The following CDKL2 variants were observed in gnomAD, a reference collection of about 807,000 sequenced individuals.
CDKL2 encodes cyclin dependent kinase like 2.
CDKL2 carries 64 observed loss-of-function variants against 63.9 expected under a neutral mutation model. The observed-to-expected ratio is 1.00, with a 90% confidence interval of 0.82 to 1.23. The LOEUF (loss-of-function observed/expected upper bound fraction) is 1.23. Ranked by LOEUF, CDKL2 falls within the 50% of genes most tolerant of loss-of-function variation. CDKL2 has a pLI of 0.00. For missense variants in CDKL2, 656 were observed against 668.0 expected (o/e 0.98, Z 0.20); for synonymous variants, 211 against 229.2 (o/e 0.92, Z 0.72).
Position 75,581,867 on chromosome 4 carries a change from C to T in CDKL2, c.1679G>A (p.Gly560Glu). 1 of 1,612,876 alleles carries T rather than the reference C, an allele frequency of 6.2e-7. No homozygotes were observed. The highest frequency in any genetic ancestry group is 8.5e-7 in the Non-Finnish European group (1 of 1,179,256). The change falls in exon 13 of 14, where the codon GGG (glycine) becomes GAG (glutamate). Residue 560 changes from glycine to glutamate, a missense_variant. Transcript: ENST00000307465. ...VSGPPLSDDS[G>E]ADLPQMEHQH ...GTGTTCCATTTGAGGCAAATCAGCC[C>T]CTGAATCATCTGACAGGGGAGGTCC...
At chr4:75,629,085 GA>G (rs34053364) in intron 1 of CDKL2, among the ~76,000 whole-genome samples, 60,129 of 150,004 alleles carry the variant, frequency 0.4, 12,639 homozygotes, top group African/African-American at 0.51. Context: ...GTTTGTATTT[GA>G]AAAAAAAAAT....
At chr4:75,611,495 G>GA (rs1371719857) in intron 3 of CDKL2, among the ~76,000 whole-genome samples, 1 of 148,166 alleles carries the variant, frequency 6.7e-6, no homozygotes, top group Admixed American at 6.7e-5. Context: ...AAATGGACTG[G>GA]AAAAAAAGTA....
chr4:75,614,236 A>G lies in CDKL2; in HGVS notation c.363+19T>C. 1.3e-6 allele frequency: 2 copies of G among 1,497,458 alleles called. No homozygotes were observed. Among genetic ancestry groups the G allele is most frequent in the Non-Finnish European group, 1.8e-6 (2 of 1,091,628 alleles). The allele number at this position is 1,497,458 out of a possible 1,614,324, so 92.8% of individuals were successfully genotyped here. ...GAATAAATATGTGATAAAGCAAATTATTTAAACCCAATACTTACATTGTGA... is the reference window on the plus strand; with the variant it reads ...GAATAAATATGTGATAAAGCAAATTGTTTAAACCCAATACTTACATTGTGA... On this transcript the variant is annotated intron_variant, in intron 3 of 13. Transcript: ENST00000307465.
In CDKL2 at chr4:75,591,897, CT is replaced by C; in HGVS notation, c.1568del (p.Glu523GlyfsTer98). 6.5e-7 allele frequency: 1 copy of C among 1,535,942 alleles called. No individual in the cohort carries two copies. The highest frequency in any genetic ancestry group is 8.7e-7 in the Non-Finnish European group (1 of 1,146,812). On this transcript the variant is annotated frameshift_variant, in exon 12 of 14. Transcript: ENST00000307465. LOFTEE classifies it high-confidence loss of function. ...TTCGAGATTCTGAAAGAATTTTGCT[CT>C]CTTTCTTTGTTAGCCTGGAATTTCG... ...IARNSRLTKK[E>X]SKILSESRIP... is the part of the protein sequence containing the mutation.
chr4:75,589,638 C>T (rs1213270420), intron 12 of CDKL2, among the ~76,000 whole-genome samples: 1 of 152,082 alleles, frequency 6.6e-6, no homozygotes, highest in Non-Finnish European at 1.5e-5. Context: ...TACCAAGTGA[C>T]CCAGCAAATC....
At position 75,595,981 on chromosome 4, in the gene CDKL2, G is replaced by A. The variant is rs1371844824; in HGVS notation, c.1416+266C>T. On this transcript the variant is annotated intron_variant, in intron 10 of 13. Coordinates refer to ENST00000307465, the MANE Select transcript of CDKL2 (RefSeq NM_001330724.2). ...GGAAGGAAGGAAGGAAGGAAAGAAG[G>A]AAGGAAGGAAGGAAGGAAGGAAGGA... 4.3e-4 allele frequency: 53 copies of A among 122,746 alleles called. No homozygotes were observed. The African/African-American group carries it at 8.1e-3, about 19-fold the overall frequency. 7.6% of individuals were successfully genotyped at this position (122,746 alleles called of 1,614,324 possible). A position where few individuals can be genotyped will look rare whatever the true frequency, so the allele number is the denominator to read the frequency against.
intron 9 of CDKL2, among the ~76,000 whole-genome samples, chr4:75,596,635 A>C (rs995261559): frequency 6.6e-6 from 1 of 152,194 alleles, no homozygotes; most frequent in Admixed American, 6.6e-5. Context: ...AGCAGCAGCC[A>C]CTCAAAAATT....
At chr4:75,624,686 T>C (rs1458791412) in intron 2 of CDKL2, among the ~76,000 whole-genome samples, 4 of 137,294 alleles carry the variant, frequency 2.9e-5, no homozygotes, top group Non-Finnish European at 6.4e-5. Context: ...CCGTCTCTAC[T>C]AAAATACAAA....
At position 75,587,394 on chromosome 4, in the gene CDKL2, C is replaced by T. The variant is rs145870684; in HGVS notation, c.1647+4425G>A. Among the ~76,000 whole-genome samples, 24 of 152,216 alleles carry T rather than the reference C, an allele frequency of 1.6e-4. No homozygotes were observed. The East Asian group carries it at 4.1e-3, about 26-fold the overall frequency. On this transcript the variant is annotated intron_variant, in intron 12 of 13. Transcript: ENST00000307465. ...GCTTAATCCCAGGAGGTAGAGGTTG[C>T]AGCGAGTTGAGATTGTGCCACTGTA...
At chr4:75,585,781 T>C (rs1225251770) in intron 12 of CDKL2, among the ~76,000 whole-genome samples, 1 of 151,986 alleles carries the variant, frequency 6.6e-6, no homozygotes, top group Non-Finnish European at 1.5e-5. Context: ...TTAAATTAAA[T>C]TAAAACAAAC....
At chr4:75,618,481 C>T (rs1182125429) in intron 2 of CDKL2, among the ~76,000 whole-genome samples, 1 of 151,810 alleles carries the variant, frequency 6.6e-6, no homozygotes, top group African/African-American at 2.4e-5. Flanking sequence ...CTGGAACTCC[C>T]AACCTTAGGT....
Position 75,605,565 on chromosome 4 carries a change from T to G in CDKL2, c.612A>C (p.Gly204=). ...GATATAGCTGATCAATATCAGAATC[T>G]CCAGGAAATAGGGGTTCCCCCATGA... ...EMFMGEPLFP[G]DSDIDQLYHI... is the part of the protein sequence containing the mutation. Residue 204 remains glycine (G), a synonymous_variant, in exon 5 of 14, where the codon GGA becomes GGC. Coordinates refer to ENST00000307465, the MANE Select transcript of CDKL2 (RefSeq NM_001330724.2). 6.2e-7 allele frequency: 1 copy of G among 1,613,068 alleles called. No homozygotes were observed.
rs193149925 is a variant in CDKL2 at position 75,602,681 on chromosome 4, C to T, written c.795+1136G>A. On this transcript the variant is annotated intron_variant, in intron 6 of 13. Coordinates refer to ENST00000307465, the MANE Select transcript of CDKL2 (RefSeq NM_001330724.2). Reference sequence around the variant, plus strand: ...GGATTACAGACATGCACCACCATGCCCAGCTAATTTTTTTGTATTTCTAAT... The same window carrying T: ...GGATTACAGACATGCACCACCATGCTCAGCTAATTTTTTTGTATTTCTAAT... Among the ~76,000 whole-genome samples the T allele has an allele frequency of 1.8e-3, 271 of 152,168 alleles. 1 individual carries two copies. The highest frequency in any genetic ancestry group is 6.3e-3 in the African/African-American group (260 of 41,516).
At chr4:75,586,742 A>C (rs1728497814) in intron 12 of CDKL2, among the ~76,000 whole-genome samples, 1 of 152,224 alleles carries the variant, frequency 6.6e-6, no homozygotes, top group Non-Finnish European at 1.5e-5. Context: ...GATTAGAATT[A>C]AAGGTATCTT....
At chr4:75,629,765 C>A (rs1424100869) in intron 1 of CDKL2, among the ~76,000 whole-genome samples, 1 of 151,790 alleles carries the variant, frequency 6.6e-6, no homozygotes, top group African/African-American at 2.4e-5. Flanking sequence ...CATGGAGAAA[C>A]CCTGTCTCTA....
chr4:75,603,628 G>A (rs1423405427), intron 6 of CDKL2, among the ~76,000 whole-genome samples, 189 bp downstream of exon 6: 2 of 147,998 alleles, frequency 1.4e-5, no homozygotes, highest in African/African-American at 2.5e-5. Context: ...TACTAGAGAG[G>A]TTGAGGCGGA....
At chr4:75,614,588 T>C (rs1729847832) in intron 2 of CDKL2, 139 bp from the exon 3 acceptor site, 1 of 554,104 alleles carries the variant, frequency 1.8e-6, no homozygotes, top group Non-Finnish European at 3.1e-6. Context: ...GCATACATAG[T>C]GTAAATTGTA....
At chr4:75,626,451 G>A (rs2148917947) in intron 1 of CDKL2, among the ~76,000 whole-genome samples, 1 of 152,256 alleles carries the variant, frequency 6.6e-6, no homozygotes, top group Non-Finnish European at 1.5e-5. Context: ...CGGATCACAA[G>A]GTCGGGAGAT....
chr4:75,616,883 G>T (rs1437093879), intron 2 of CDKL2, among the ~76,000 whole-genome samples: 1 of 152,088 alleles, frequency 6.6e-6, no homozygotes, highest in African/African-American at 2.4e-5. Context: ...AATACCACAT[G>T]TTGTCACTTA....
Sources: gnomAD v4.1 joint callset for allele counts (sites outside exome capture counted in the v4.1 genomes callset) on GRCh38, gnomAD v4.1.1 for gene constraint, MANE v1.5 for transcripts, NCBI Gene and HGNC (gene_info 2026-07-23, HGNC 2026-07-21) for gene names.